The following CDKAL1 variants were observed in gnomAD, a reference collection of about 807,000 sequenced individuals.
CDKAL1 encodes threonylcarbamoyladenosine tRNA methylthiotransferase.
In CDKAL1, 32 loss-of-function variants were observed where a neutral mutation model predicts 68.2. The ratio of observed to expected loss-of-function variants is 0.47; its 90% confidence interval spans 0.35 to 0.63. The LOEUF (loss-of-function observed/expected upper bound fraction) is 0.63. Ranked by LOEUF, CDKAL1 falls within the 30% of genes least tolerant of loss-of-function variation. The pLI, the probability that CDKAL1 is intolerant of heterozygous loss-of-function variation, is 0.00. For missense variants in CDKAL1, 606 were observed against 696.7 expected, an observed-to-expected ratio of 0.87 and a Z score of 1.47; for synonymous variants, 234 against 244.3, an observed-to-expected ratio of 0.96 and a Z score of 0.39.
At chr6:20,624,289 C>T (rs1193683035) in intron 4 of CDKAL1, among the ~76,000 whole-genome samples, 1 of 151,756 alleles carries the variant, frequency 6.6e-6, no homozygotes, top group East Asian at 1.9e-4. Context: ...GAACTGAGAC[C>T]CATGTAGACA....
At chr6:20,812,087 T>A (rs942258161) in intron 8 of CDKAL1, among the ~76,000 whole-genome samples, 4 of 152,284 alleles carry the variant, frequency 2.6e-5, no homozygotes, top group African/African-American at 7.2e-5. Flanking sequence ...CTTCTTCATG[T>A]TTTAGTTGGA....
intron 8 of CDKAL1, among the ~76,000 whole-genome samples, chr6:20,788,642 C>CCCA (rs1775771580): frequency 6.6e-6 from 1 of 152,228 alleles, no homozygotes; most frequent in African/African-American, 2.4e-5. Flanking sequence ...GTGCTACCTA[C>CCCA]TGAATGTATA....
At chr6:20,637,486 C>T (rs1159625964) in intron 4 of CDKAL1, among the ~76,000 whole-genome samples, 1 of 152,084 alleles carries the variant, frequency 6.6e-6, no homozygotes, top group Non-Finnish European at 1.5e-5. Flanking sequence ...TCGCTTGAAC[C>T]TGGGAGGCAG....
intron 11 of CDKAL1, among the ~76,000 whole-genome samples, chr6:21,040,931 A>G (rs189377447): frequency 1.3e-5 from 2 of 152,280 alleles, no homozygotes; most frequent in East Asian, 3.9e-4. Flanking sequence ...AGTTGCCCAT[A>G]GATAGATGAT....
intron 9 of CDKAL1, among the ~76,000 whole-genome samples, chr6:20,888,532 C>T (rs1761209705): frequency 8.4e-6 from 1 of 118,370 alleles, no homozygotes; most frequent in African/African-American, 3.2e-5. Flanking sequence ...CCCCCCACCC[C>T]ACAACAGTCC....
At position 21,215,112 on chromosome 6, in the gene CDKAL1, T is replaced by C. The variant is rs10946436; in HGVS notation, c.1548+13838T>C. The stretch of plus-strand genomic sequence containing the variant: ...CTGTAGGGTAGCTCAGCAGCTCTTC[T>C]AAGCTTGGTGGGGCTTCCTAAAATG... On this transcript the variant is annotated intron_variant, in intron 15 of 15. Transcript: ENST00000274695. 9.6e-3 allele frequency among the ~76,000 whole-genome samples: 1,459 copies of C among 152,314 alleles called. 12 individuals are homozygous for C. The highest frequency in any genetic ancestry group is 0.015 in the Non-Finnish European group (1,038 of 68,028).
rs184451523 is a variant in CDKAL1, at chr6:21,147,083, G to T, written c.1299+38620G>T. ...AAGCACAGGCAGGGGATTGACTGGTGGGGGGGAAGTGAATACCTAGAACCT... is the reference window on the plus strand; with the variant it reads ...AAGCACAGGCAGGGGATTGACTGGTTGGGGGGAAGTGAATACCTAGAACCT... On this transcript the variant is annotated intron_variant, in intron 13 of 15. Coordinates refer to ENST00000274695, the MANE Select transcript of CDKAL1 (RefSeq NM_017774.3). Among the ~76,000 whole-genome samples the T allele has an allele frequency of 2.1e-3, 316 of 152,108 alleles. 2 individuals are homozygous for T. The highest frequency in any genetic ancestry group is 7.4e-3 in the Admixed American group (113 of 15,282).
At chr6:21,099,595 A>C (rs1034079611) in intron 12 of CDKAL1, among the ~76,000 whole-genome samples, 2 of 152,196 alleles carry the variant, frequency 1.3e-5, no homozygotes, top group African/African-American at 4.8e-5. Flanking sequence ...TCCAGATAAG[A>C]GGTAAAGTTA....
intron 7 of CDKAL1, chr6:20,773,031 G>T (rs1775012265): frequency 6.6e-6 from 1 of 152,074 alleles, no homozygotes; most frequent in Non-Finnish European, 1.5e-5. Context: ...AGGTGTCATT[G>T]CTGTCATTAA....
chr6:21,105,938 T>C (rs534607274), intron 12 of CDKAL1, among the ~76,000 whole-genome samples: 1 of 152,298 alleles, frequency 6.6e-6, no homozygotes, highest in East Asian at 1.9e-4. Context: ...TTTAGAAACA[T>C]TCTAACCTTT....
At chr6:20,639,360 C>G (rs1480022244) in intron 4 of CDKAL1, among the ~76,000 whole-genome samples, 1 of 152,066 alleles carries the variant, frequency 6.6e-6, no homozygotes, top group Non-Finnish European at 1.5e-5. Flanking sequence ...CAGACACCAC[C>G]ACCATACAAA....
At chr6:21,092,132 C>T (rs7762660) in intron 12 of CDKAL1, among the ~76,000 whole-genome samples, 58,198 of 148,534 alleles carry the variant, frequency 0.39, 11,554 homozygotes, top group East Asian at 0.55. Context: ...GTGATCCGCC[C>T]GCCTCGGCCT....
At chr6:21,093,190 A>G (rs1361967987) in intron 12 of CDKAL1, among the ~76,000 whole-genome samples, 1 of 152,216 alleles carries the variant, frequency 6.6e-6, no homozygotes, top group African/African-American at 2.4e-5. Context: ...GCCAGGTCAC[A>G]TTCAAAGGAC....
At chr6:20,683,969 T>G (rs1176867600) in intron 5 of CDKAL1, among the ~76,000 whole-genome samples, 1 of 152,232 alleles carries the variant, frequency 6.6e-6, no homozygotes, top group East Asian at 1.9e-4. Context: ...ATTTGTAGCT[T>G]TTTTGGATGG....
chr6:20,789,903 G>A (rs575580413), intron 8 of CDKAL1, among the ~76,000 whole-genome samples: 1 of 152,120 alleles, frequency 6.6e-6, no homozygotes, highest in Non-Finnish European at 1.5e-5. Context: ...TCATATGTTT[G>A]TTCTTTAAGA....
chr6:20,789,418 A>C (rs1775807960), intron 8 of CDKAL1, among the ~76,000 whole-genome samples: 1 of 152,218 alleles, frequency 6.6e-6, no homozygotes, highest in African/African-American at 2.4e-5. Context: ...GGCTTAGTGA[A>C]TGCTTTTAAA....
chr6:20,745,396 G>T (rs553557581), intron 6 of CDKAL1, among the ~76,000 whole-genome samples: 6 of 152,208 alleles, frequency 3.9e-5, no homozygotes, highest in Admixed American at 1.3e-4. Flanking sequence ...CTTGAGGAAC[G>T]CTCTCCTTCT....
intron 9 of CDKAL1, among the ~76,000 whole-genome samples, chr6:20,860,514 T>C (rs1759556326): frequency 6.6e-6 from 1 of 152,210 alleles, no homozygotes; most frequent in African/African-American, 2.4e-5. Flanking sequence ...GCATAGGGCA[T>C]AGAGTAGGCC....
At chr6:20,780,332 G>A (rs535693262) in intron 7 of CDKAL1, among the ~76,000 whole-genome samples, 1 of 152,052 alleles carries the variant, frequency 6.6e-6, no homozygotes, top group African/African-American at 2.4e-5. Context: ...GTAAAAATAA[G>A]TTTAAAATGT....
Sources: gnomAD v4.1 joint callset for allele counts (sites outside exome capture counted in the v4.1 genomes callset) on GRCh38, gnomAD v4.1.1 for gene constraint, MANE v1.5 for transcripts, NCBI Gene and HGNC (gene_info 2026-07-23, HGNC 2026-07-21) for gene names.